NELL1: variants seen among roughly 807,000 people sequenced by gnomAD.
The protein encoded by NELL1 is protein kinase C-binding protein NELL1.
Under a neutral mutation model 107.4 loss-of-function variants are expected in NELL1, and 76 were observed. The observed-to-expected ratio is 0.71, with a 90% CI of 0.59 to 0.86. The LOEUF (loss-of-function observed/expected upper bound fraction) is 0.86. NELL1 is among the 40% of genes least tolerant of loss of function. The probability of loss-of-function intolerance (pLI) is 0.00; values close to 1 mark genes in which losing one functional copy is unlikely to be tolerated. For synonymous variants in NELL1, 353 were observed against 341.2 expected, an observed-to-expected ratio of 1.03 and a Z score of -0.38; for missense variants, 1,024 against 1,005.5, an observed-to-expected ratio of 1.02 and a Z score of -0.25.
At chr11:21,161,423 G>A (rs1233524463) in intron 13 of NELL1, among the ~76,000 whole-genome samples, 2 of 152,164 alleles carry the variant, frequency 1.3e-5, no homozygotes, top group Non-Finnish European at 2.9e-5. Context: ...GGTAATCCCA[G>A]CTACTCGGGA....
At chr11:21,195,613 T>G (rs571914504) in intron 13 of NELL1, among the ~76,000 whole-genome samples, 1 of 151,816 alleles carries the variant, frequency 6.6e-6, no homozygotes, top group African/African-American at 2.4e-5. Context: ...TAAAGTATTT[T>G]TAACCTAATG....
intron 15 of NELL1, among the ~76,000 whole-genome samples, chr11:21,528,937 A>G (rs1855928026): frequency 6.6e-6 from 1 of 151,616 alleles, no homozygotes. Flanking sequence ...TTCTGTTTTT[A>G]TTTTTAGATA....
chr11:21,554,472 G>A (rs1856659733), intron 16 of NELL1, among the ~76,000 whole-genome samples: 1 of 151,800 alleles, frequency 6.6e-6, no homozygotes, highest in Non-Finnish European at 1.5e-5. Context: ...TTGGCAAATC[G>A]ATGAATGTGT....
At chr11:21,364,673 T>G (rs1445256215) in intron 14 of NELL1, among the ~76,000 whole-genome samples, 1 of 152,208 alleles carries the variant, frequency 6.6e-6, no homozygotes. Flanking sequence ...ATAAAAATTT[T>G]ATTTCATATT....
intron 15 of NELL1, among the ~76,000 whole-genome samples, chr11:21,507,841 C>T (rs925560633): frequency 3.8e-4 from 57 of 150,788 alleles, no homozygotes; most frequent in Admixed American, 1.2e-3. Context: ...AGTGCGGCGG[C>T]GTGATCTCAG....
At chr11:21,571,276 C>T (rs60209599) in intron 18 of NELL1, among the ~76,000 whole-genome samples, 16,353 of 151,840 alleles carry the variant, frequency 0.11, 2,895 homozygotes, top group African/African-American at 0.37. Context: ...AGCTAAATCT[C>T]TCATTTCTGT....
intron 12 of NELL1, among the ~76,000 whole-genome samples, chr11:20,984,138 C>T (rs773134966): frequency 6.6e-5 from 10 of 152,106 alleles, no homozygotes; most frequent in Non-Finnish European, 1.5e-4. Flanking sequence ...GATCATGTAT[C>T]TCTCCTTTTT....
intron 15 of NELL1, among the ~76,000 whole-genome samples, chr11:21,498,344 T>TAC: frequency 1.1e-5 from 1 of 90,844 alleles, no homozygotes; most frequent in Non-Finnish European, 2.9e-5. Context: ...TATATATATA[T>TAC]ATACATATAT....
At chr11:21,049,212 A>G (rs1299577628) in intron 12 of NELL1, among the ~76,000 whole-genome samples, 1 of 152,190 alleles carries the variant, frequency 6.6e-6, no homozygotes, top group Non-Finnish European at 1.5e-5. Context: ...GCTCTTCTCC[A>G]CTAAGGGAAA....
Position 20,863,360 on chromosome 11 carries a change from G to A in NELL1, c.506+15607G>A, listed in dbSNP as rs111426302. On this transcript the variant is annotated intron_variant, in intron 4 of 19. Transcript: ENST00000357134. ...TCCCGGACGGGGCGGCTGGCCGGGC[G>A]GGGGCTGCCCCCCACCTCCCTCCTG... is the stretch of plus-strand genomic sequence containing the variant. Among the ~76,000 whole-genome samples, 37 of 56,774 alleles carry A rather than the reference G, an allele frequency of 6.5e-4. 1 individual carries two copies. Among genetic ancestry groups the A allele is most frequent in the South Asian group, 1.9e-3 (3 of 1,556 alleles). 37.2% of individuals were successfully genotyped at this position (56,774 alleles called of 152,430 possible).
At chr11:21,258,683 C>A (rs1328224543) in intron 14 of NELL1, among the ~76,000 whole-genome samples, 1 of 151,802 alleles carries the variant, frequency 6.6e-6, no homozygotes, top group Non-Finnish European at 1.5e-5. Flanking sequence ...TTATTCTCAT[C>A]AAAAAAACAC....
intron 3 of NELL1, among the ~76,000 whole-genome samples, chr11:20,792,593 C>A (rs1173267583): frequency 6.6e-6 from 1 of 151,814 alleles, no homozygotes; most frequent in Non-Finnish European, 1.5e-5. Flanking sequence ...TATTAAATAT[C>A]TTTTCAGTGT....
At chr11:20,838,137 T>C (rs977231250) in intron 3 of NELL1, among the ~76,000 whole-genome samples, 1 of 151,750 alleles carries the variant, frequency 6.6e-6, no homozygotes, top group Admixed American at 6.6e-5. Context: ...GAATTGCACA[T>C]TACTTCTATG....
chr11:20,764,902 C>T (rs1292699040), intron 2 of NELL1, among the ~76,000 whole-genome samples: 1 of 152,116 alleles, frequency 6.6e-6, no homozygotes, highest in Non-Finnish European at 1.5e-5. Context: ...TGACTCATGC[C>T]TGTAATCCCA....
chr11:21,138,444 A>T (rs571801401), intron 13 of NELL1, among the ~76,000 whole-genome samples: 7 of 152,204 alleles, frequency 4.6e-5, no homozygotes, highest in Non-Finnish European at 8.8e-5. Flanking sequence ...TCACTCAGAG[A>T]CACGTCAACA....
Position 20,867,074 on chromosome 11 carries a change from T to G in NELL1, c.507-18370T>G, listed in dbSNP as rs56174133. 5.3e-3 allele frequency among the ~76,000 whole-genome samples: 813 copies of G among 152,202 alleles called. 9 individuals are homozygous for G. The highest frequency in any genetic ancestry group is 0.019 in the African/African-American group (785 of 41,538). On this transcript the variant is annotated intron_variant, in intron 4 of 19. Coordinates refer to ENST00000357134, the MANE Select transcript of NELL1 (RefSeq NM_006157.5). ...TTCCACAACTTTGGGGCAATGGACATAAACCCACAACTCCAAGACATTAAA... is the reference window on the plus strand; with the variant it reads ...TTCCACAACTTTGGGGCAATGGACAGAAACCCACAACTCCAAGACATTAAA...
At position 21,154,150 on chromosome 11, in the gene NELL1, A is replaced by G. The variant is rs1856179889; in HGVS notation, c.1426+40436A>G. ...AGGTTTGATTGAGCTGAGACCAGTT[A>G]TGGATAAAATGTTGATGTTTTGTGA... On this transcript the variant is annotated intron_variant, in intron 13 of 19. Transcript: ENST00000357134. 5.9e-5 allele frequency among the ~76,000 whole-genome samples: 9 copies of G among 152,178 alleles called. 1 individual carries two copies. Among genetic ancestry groups the G allele is most frequent in the Admixed American group, 5.9e-4 (9 of 15,270 alleles).
chr11:21,203,386 T>C (rs535903891), intron 13 of NELL1, among the ~76,000 whole-genome samples: 2 of 152,022 alleles, frequency 1.3e-5, no homozygotes, highest in African/African-American at 4.8e-5. Context: ...TGCCCTTCTG[T>C]GTCTCTTTTG....
chr11:21,307,119 C>T (rs1434826165), intron 14 of NELL1, among the ~76,000 whole-genome samples: 1 of 151,908 alleles, frequency 6.6e-6, no homozygotes, highest in African/African-American at 2.4e-5. Context: ...TGCATTATTG[C>T]TGTGCTGTAA....
Sources: gnomAD v4.1 joint callset for allele counts (sites outside exome capture counted in the v4.1 genomes callset) on GRCh38, gnomAD v4.1.1 for gene constraint, MANE v1.5 for transcripts, NCBI Gene and HGNC (gene_info 2026-07-23, HGNC 2026-07-21) for gene names.